The following BTRC variants were observed in gnomAD, a reference collection of about 807,000 sequenced individuals.
The protein encoded by BTRC is beta-transducin repeat containing E3 ubiquitin protein ligase.
A neutral mutation model predicts 85.5 loss-of-function variants in BTRC; 42 were observed. The ratio of observed to expected loss-of-function variants is 0.49; its 90% confidence interval spans 0.38 to 0.64. BTRC has a LOEUF of 0.64. Among genes scored for constraint, BTRC ranks in the 30% least tolerant of loss-of-function variants. The pLI is 0.00. For synonymous variants in BTRC, 255 were observed against 263.3 expected (o/e 0.97, Z 0.30); for missense variants, 594 against 743.5 (o/e 0.80, Z 2.34).
rs193255798 is a variant in BTRC at position 101,550,484 on chromosome 10, G to A, written c.1657-215G>A. 3.9e-3 allele frequency among the ~76,000 whole-genome samples: 600 copies of A among 151,968 alleles called. 9 individuals are homozygous for A. Among genetic ancestry groups the A allele is most frequent in the African/African-American group, 0.014 (571 of 41,444 alleles). ...ATTTTTATAGAGATGGGGTTTCACT[G>A]TGTTAGCCAGGATGGTCTCGATCTC... On this transcript the variant is annotated intron_variant, in intron 13 of 14. Coordinates refer to ENST00000370187, the MANE Select transcript of BTRC (RefSeq NM_033637.4).
intron 2 of BTRC, among the ~76,000 whole-genome samples, chr10:101,447,048 G>C (rs192732825): frequency 6.6e-6 from 1 of 152,102 alleles, no homozygotes; most frequent in Non-Finnish European, 1.5e-5. Context: ...TAGTGTTCGC[G>C]TGCAGGTTGG....
intron 1 of BTRC, among the ~76,000 whole-genome samples, chr10:101,421,628 C>G (rs1944103626): frequency 9.1e-6 from 1 of 110,492 alleles, no homozygotes; most frequent in South Asian, 3.9e-4. Context: ...CCCCCCTCCC[C>G]CCACCCCACA....
At chr10:101,474,222 T>C (rs1945613889) in intron 3 of BTRC, among the ~76,000 whole-genome samples, 1 of 152,196 alleles carries the variant, frequency 6.6e-6, no homozygotes, top group African/African-American at 2.4e-5. Context: ...AAACTCTGAA[T>C]TCATTTTTTC....
chr10:101,493,354 T>C (rs1946182036), intron 4 of BTRC, among the ~76,000 whole-genome samples: 1 of 152,252 alleles, frequency 6.6e-6, no homozygotes, highest in Admixed American at 6.5e-5. Context: ...ACATTTTCAC[T>C]GAAATCATCA....
intron 1 of BTRC, among the ~76,000 whole-genome samples, chr10:101,356,463 T>C (rs1014726245): frequency 6.6e-6 from 1 of 152,260 alleles, no homozygotes; most frequent in Non-Finnish European, 1.5e-5. Flanking sequence ...ACCAGTGAGT[T>C]ATGTTTTGAT....
At chr10:101,548,667 G>A (rs377216380) in intron 13 of BTRC, among the ~76,000 whole-genome samples, 2 of 152,054 alleles carry the variant, frequency 1.3e-5, no homozygotes, top group South Asian at 4.2e-4. Context: ...CAGGAGAATC[G>A]CTTGAACCTG....
intron 1 of BTRC, among the ~76,000 whole-genome samples, chr10:101,364,684 C>T (rs1171073857): frequency 6.6e-6 from 1 of 152,118 alleles, no homozygotes; most frequent in African/African-American, 2.4e-5. Context: ...GCAGGAAGTA[C>T]TACACCAAAC....
intron 1 of BTRC, among the ~76,000 whole-genome samples, chr10:101,427,109 C>CTT (rs1944272566): frequency 7.6e-6 from 1 of 132,350 alleles, no homozygotes; most frequent in African/African-American, 2.7e-5. Flanking sequence ...TTTCTTTTTT[C>CTT]TTTCTTTTTT....
intron 4 of BTRC, among the ~76,000 whole-genome samples, chr10:101,510,846 T>A (rs567909430): frequency 6.6e-6 from 1 of 152,360 alleles, no homozygotes; most frequent in East Asian, 1.9e-4. Flanking sequence ...TCATGAGAGT[T>A]AAAATACCTT....
chr10:101,450,380 C>T (rs182204495), intron 2 of BTRC, among the ~76,000 whole-genome samples: 20 of 152,224 alleles, frequency 1.3e-4, no homozygotes, highest in Non-Finnish European at 2.5e-4. Flanking sequence ...GTGATATTTT[C>T]GGTGACTTGA....
chr10:101,431,650 T>G (rs1944407457), intron 2 of BTRC, among the ~76,000 whole-genome samples: 2 of 152,210 alleles, frequency 1.3e-5, no homozygotes, highest in Admixed American at 1.3e-4. Context: ...CATATCTATT[T>G]AGAAGAATTT....
chr10:101,389,119 G>GTTTTT (rs1188561028), intron 1 of BTRC, among the ~76,000 whole-genome samples: 141 of 41,506 alleles, frequency 3.4e-3, no homozygotes, highest in Non-Finnish European at 4.0e-3. Context: ...TTTTGTGTGT[G>GTTTTT]TTTTTTTTTT....
chr10:101,459,929 T>C (rs1305539671), intron 2 of BTRC, among the ~76,000 whole-genome samples: 1 of 152,174 alleles, frequency 6.6e-6, no homozygotes, highest in Non-Finnish European at 1.5e-5. Flanking sequence ...CCCAAGTACC[T>C]GTATAATAAA....
intron 1 of BTRC, among the ~76,000 whole-genome samples, chr10:101,428,118 T>TA (rs1452196396): frequency 6.6e-6 from 1 of 152,150 alleles, no homozygotes; most frequent in Non-Finnish European, 1.5e-5. Context: ...TCTAAGGAGA[T>TA]ATTGATGTAA....
chr10:101,513,490 A>T (rs1300643811), intron 4 of BTRC, among the ~76,000 whole-genome samples: 5 of 152,290 alleles, frequency 3.3e-5, no homozygotes, highest in Non-Finnish European at 7.4e-5. Flanking sequence ...TTTTCTAACA[A>T]TTAGAATTAC....
chr10:101,390,003 C>A (rs1300336059), intron 1 of BTRC, among the ~76,000 whole-genome samples: 1 of 152,094 alleles, frequency 6.6e-6, no homozygotes, highest in Non-Finnish European at 1.5e-5. Context: ...TTCGTTTATC[C>A]TTTATATCTC....
At chr10:101,456,162 C>CT (rs2134154685) in intron 2 of BTRC, among the ~76,000 whole-genome samples, 1 of 128,272 alleles carries the variant, frequency 7.8e-6, no homozygotes, top group South Asian at 2.4e-4. Flanking sequence ...GAACGAGACT[C>CT]TGTTTCAAAA....
chr10:101,546,207 G>A lies in BTRC; in HGVS notation c.1657-4492G>A, dbSNP rs771050309. Among the ~76,000 whole-genome samples the A allele has an allele frequency of 1.6e-4, 25 of 152,182 alleles. 1 individual carries two copies. In the Middle Eastern group the frequency reaches 0.014, roughly 83 times the overall value. On this transcript the variant is annotated intron_variant, in intron 13 of 14. Coordinates refer to ENST00000370187, the MANE Select transcript of BTRC (RefSeq NM_033637.4). ...AAGCTCCCAAGGAAATTACACCAAG[G>A]CAGACCACAGTCAGGGCCATAAAAG...
chr10:101,454,031 AACTGATCAT>A (rs1219669314), intron 2 of BTRC, among the ~76,000 whole-genome samples: 1 of 152,232 alleles, frequency 6.6e-6, no homozygotes, highest in Admixed American at 6.5e-5. Context: ...AAGTGCTGTT[AACTGATCAT>A]ACTGGCATTA....
Sources: allele counts gnomAD v4.1 joint callset (sites outside exome capture counted in the v4.1 genomes callset), GRCh38; gene constraint gnomAD v4.1.1; transcripts MANE v1.5; gene names NCBI Gene and HGNC (gene_info 2026-07-23, HGNC 2026-07-21).